ICA1: variants seen among roughly 807,000 people sequenced by gnomAD.
The protein encoded by ICA1 is 69 kDa islet cell autoantigen.
Under a neutral mutation model 71.0 loss-of-function variants are expected in ICA1, and 40 were observed. The ratio of observed to expected loss-of-function variants is 0.56; its 90% confidence interval spans 0.44 to 0.73. The LOEUF is 0.73. Among genes scored for constraint, ICA1 ranks in the 30% least tolerant of loss-of-function variants. The pLI, the probability that ICA1 is intolerant of heterozygous loss-of-function variation, is 0.00. For synonymous variants in ICA1, 207 were observed against 209.5 expected (o/e 0.99, Z 0.10); for missense variants, 578 against 576.5 (o/e 1.00, Z -0.03).
chr7:8,202,896 G>A (rs756943483), intron 6 of ICA1, among the ~76,000 whole-genome samples: 3 of 152,084 alleles, frequency 2.0e-5, no homozygotes, highest in East Asian at 1.9e-4. Context: ...ATGCAGAGGG[G>A]AGGATTCCTT....
chr7:8,131,090 T>C (rs2128085260), intron 12 of ICA1, among the ~76,000 whole-genome samples: 1 of 152,280 alleles, frequency 6.6e-6, no homozygotes, highest in Non-Finnish European at 1.5e-5. Flanking sequence ...ATTTGGTATA[T>C]AGAAACTTAA....
At chr7:8,230,761 G>A (rs1335168051) in intron 3 of ICA1, among the ~76,000 whole-genome samples, 2 of 152,104 alleles carry the variant, frequency 1.3e-5, no homozygotes, top group East Asian at 1.9e-4. Flanking sequence ...GATGCTTCCT[G>A]GTTCTACTTT....
chr7:8,124,054 A>C (rs991241487), intron 13 of ICA1, among the ~76,000 whole-genome samples: 1 of 151,508 alleles, frequency 6.6e-6, no homozygotes, highest in Non-Finnish European at 1.5e-5. Flanking sequence ...CACGTGCCAC[A>C]CTGAGTGCTG....
chr7:8,237,812 GAAGA>G (rs1802320012), intron 1 of ICA1, among the ~76,000 whole-genome samples: 2 of 136,042 alleles, frequency 1.5e-5, no homozygotes, highest in African/African-American at 6.5e-5. Flanking sequence ...ATGCAATGTT[GAAGA>G]CAGACACACA....
At position 8,168,352 on chromosome 7, in the gene ICA1, G is replaced by C. The variant is rs183343449; in HGVS notation, c.580-9700C>G. On this transcript the variant is annotated intron_variant, in intron 6 of 13. Transcript: ENST00000402384. The stretch of plus-strand genomic sequence containing the variant: ...ATTTATCAGATACCACCTATTACAT[G>C]CCATAACATTTGTTTGGGAAATCCC... Among the ~76,000 whole-genome samples, 665 of 152,174 alleles carry C rather than the reference G, an allele frequency of 4.4e-3. 2 individuals are homozygous for C. The highest frequency in any genetic ancestry group is 7.6e-3 in the Non-Finnish European group (516 of 67,990).
intron 1 of ICA1, among the ~76,000 whole-genome samples, chr7:8,252,513 C>T (rs1443499628): frequency 1.3e-5 from 2 of 152,062 alleles, no homozygotes; most frequent in African/African-American, 4.8e-5. Context: ...TCCAATATAG[C>T]AGACACTAGC....
At chr7:8,136,291 G>C (rs928016539) in intron 12 of ICA1, among the ~76,000 whole-genome samples, 5 of 152,124 alleles carry the variant, frequency 3.3e-5, no homozygotes, top group Admixed American at 6.5e-5. Flanking sequence ...CCAAGCAGCA[G>C]GGTGCTAGAG....
intron 6 of ICA1, among the ~76,000 whole-genome samples, chr7:8,174,775 A>ACCAAAG (rs376395248): frequency 9.0e-6 from 1 of 111,344 alleles, no homozygotes; most frequent in East Asian, 2.7e-4. Flanking sequence ...AAAAAAAAAA[A>ACCAAAG]AAAACAGAGA....
rs1022191764 is a variant in ICA1, at chr7:8,157,144, T to C, written c.776A>G (p.Tyr259Cys). Residue 259 changes from tyrosine (Y) to cysteine (C), a missense_variant, in exon 8 of 14, where the codon TAT becomes TGT. Physicochemically the swap from Tyr to Cys is radical, Grantham distance 194. Transcript: ENST00000402384. The stretch of plus-strand genomic sequence containing the variant: ...TAAAGTAGTAAATTCATATGGTTGA[T>C]AACCTTTGAAACTCTCATGGATGGC... ...MAAIHESFKGYQPYEFTTLKS... is the reference protein window; with the variant it reads ...MAAIHESFKGCQPYEFTTLKS... 8.1e-6 allele frequency: 13 copies of C among 1,613,890 alleles called. No homozygotes were observed. Among genetic ancestry groups the C allele is most frequent in the Admixed American group, 5.0e-5 (3 of 59,970 alleles).
chr7:8,221,171 G>A, intron 5 of ICA1, 104 bp downstream of exon 5: 1 of 1,446,118 alleles, frequency 6.9e-7, no homozygotes, highest in East Asian at 2.3e-5. Context: ...TCAGCCTCAG[G>A]CAAAATCCTT....
intron 8 of ICA1, among the ~76,000 whole-genome samples, chr7:8,151,474 C>T (rs1461184782): frequency 6.6e-6 from 1 of 152,180 alleles, no homozygotes; most frequent in Non-Finnish European, 1.5e-5. Flanking sequence ...CCTGGAGCAG[C>T]TTGGGAAAAA....
intron 13 of ICA1, among the ~76,000 whole-genome samples, chr7:8,119,235 C>T (rs747357598): frequency 1.3e-5 from 2 of 152,164 alleles, no homozygotes; most frequent in African/African-American, 2.4e-5. Flanking sequence ...CCAGAGAGAA[C>T]TTGAACTGAC....
At chr7:8,243,885 G>A (rs1178626044) in intron 1 of ICA1, among the ~76,000 whole-genome samples, 2 of 152,186 alleles carry the variant, frequency 1.3e-5, no homozygotes, top group East Asian at 3.8e-4. Context: ...TCTTCAAGGA[G>A]AACTACAAAC....
At chr7:8,229,807 G>A (rs777907000) in intron 3 of ICA1, among the ~76,000 whole-genome samples, 1 of 152,172 alleles carries the variant, frequency 6.6e-6, no homozygotes. Context: ...CACCTGTTTA[G>A]TAAAGAGCCA....
chr7:8,201,125 T>C (rs992894954), intron 6 of ICA1, among the ~76,000 whole-genome samples: 5 of 152,238 alleles, frequency 3.3e-5, no homozygotes, highest in Non-Finnish European at 7.3e-5. Flanking sequence ...TGCATGTCTA[T>C]GTGCCTGACC....
At position 8,144,843 on chromosome 7, in the gene ICA1, CA is replaced by C. The variant is rs900682514; in HGVS notation, c.805-872del. On this transcript the variant is annotated intron_variant, in intron 8 of 13. Transcript: ENST00000402384. The surrounding 1 kb of genome is among the most constrained non-coding windows in gnomAD (Gnocchi z 4.5). ...TTATATTCTCAGAACTACTAAAATC[CA>C]AGTCATGAGCCTGGGGCCTTCACCT... is the stretch of plus-strand genomic sequence containing the variant. 2.0e-5 allele frequency among the ~76,000 whole-genome samples: 3 copies of C among 152,152 alleles called. No homozygotes were observed. The highest frequency in any genetic ancestry group is 6.5e-5 in the Admixed American group (1 of 15,274).
chr7:8,120,197 A>G (rs6950342), intron 13 of ICA1, among the ~76,000 whole-genome samples: 59 of 152,220 alleles, frequency 3.9e-4, no homozygotes, highest in African/African-American at 1.4e-3. Flanking sequence ...TGAGGCAGAA[A>G]CAACAGCCAG....
At chr7:8,213,435 C>T (rs188208375) in intron 6 of ICA1, among the ~76,000 whole-genome samples, 67 of 152,280 alleles carry the variant, frequency 4.4e-4, no homozygotes, top group Middle Eastern at 3.4e-3. Context: ...TGTCCCAGCC[C>T]TACCTTAGAC....
At chr7:8,253,315 T>C (rs1328414815) in intron 1 of ICA1, among the ~76,000 whole-genome samples, 1 of 152,226 alleles carries the variant, frequency 6.6e-6, no homozygotes, top group Non-Finnish European at 1.5e-5. Flanking sequence ...TCCATATTTT[T>C]ACAAGTTTAA....
Sources: allele counts gnomAD v4.1 joint callset (sites outside exome capture counted in the v4.1 genomes callset), GRCh38; gene constraint gnomAD v4.1.1; non-coding constraint Gnocchi (gnomAD v3.1); transcripts MANE v1.5; gene names NCBI Gene and HGNC (gene_info 2026-07-23, HGNC 2026-07-21).